Variants in MOV10L1 observed in about 807,000 individuals in gnomAD.
MOV10L1 encodes Mov10 like RNA helicase 1.
In MOV10L1, 110 loss-of-function variants were observed where a neutral mutation model predicts 143.8. The observed-to-expected ratio is 0.76, with a 90% confidence interval of 0.66 to 0.90. The LOEUF is 0.90. MOV10L1 is among the 40% of genes least tolerant of loss of function. The probability of loss-of-function intolerance (pLI) is 0.00; values close to 1 mark genes in which losing one functional copy is unlikely to be tolerated. For synonymous variants in MOV10L1, 593 were observed against 581.1 expected (o/e 1.02, Z -0.29); for missense variants, 1,406 against 1,526.8 (o/e 0.92, Z 1.32).
intron 18 of MOV10L1, among the ~76,000 whole-genome samples, chr22:50,144,680 C>G (rs1180234402): frequency 4.6e-5 from 7 of 151,726 alleles, no homozygotes; most frequent in Admixed American, 4.6e-4. Flanking sequence ...CTCCCAGGTT[C>G]ACACCATTCT....
rs576147193 is a variant in MOV10L1 at position 50,113,919 on chromosome 22, T to C, written c.884+131T>C. The C allele has an allele frequency of 3.8e-3, 3,312 of 861,652 alleles. 8 individuals are homozygous for C. Among genetic ancestry groups the C allele is most frequent in the Non-Finnish European group, 4.6e-3 (2,937 of 638,968 alleles). The allele number at this position is 861,652 out of a possible 1,614,324, so 53.4% of individuals were successfully genotyped here. ...TCTTTATGAAGATCTTTTCTTTTTT[T>C]TTTTTTTTTTTTTTTTTGAGACAGC... On this transcript the variant is annotated intron_variant, in intron 6 of 26. Coordinates refer to ENST00000262794, the MANE Select transcript of MOV10L1 (RefSeq NM_018995.3).
intron 16 of MOV10L1, 140 bp downstream of exon 16, chr22:50,142,329 C>A: frequency 1.8e-6 from 1 of 568,902 alleles, no homozygotes; most frequent in South Asian, 2.5e-5. Flanking sequence ...GCCGTCTCCA[C>A]CCTGACTGGA....
rs376061248 is a variant in MOV10L1 at position 50,161,320 on chromosome 22, G to A, written c.3555-48G>A. On this transcript the variant is annotated intron_variant, in intron 26 of 26. Coordinates refer to ENST00000262794, the MANE Select transcript of MOV10L1 (RefSeq NM_018995.3). Reference sequence around the variant, plus strand: ...GGGAAAAGAGTGCAGCTCCCAGCCCGCTGTGGGAGCCTGGCTCACTGGCCA... The same window carrying A: ...GGGAAAAGAGTGCAGCTCCCAGCCCACTGTGGGAGCCTGGCTCACTGGCCA... 2.2e-4 allele frequency: 320 copies of A among 1,453,498 alleles called. 1 individual carries two copies. In the African/African-American group the frequency reaches 3.7e-3, roughly 17 times the overall value. The allele number at this position is 1,453,498 out of a possible 1,614,324, so 90.0% of individuals were successfully genotyped here. A position where few individuals can be genotyped will look rare whatever the true frequency, so the allele number is the denominator to read the frequency against.
At chr22:50,140,608 C>T (rs1015351522) in intron 15 of MOV10L1, among the ~76,000 whole-genome samples, 5 of 152,050 alleles carry the variant, frequency 3.3e-5, no homozygotes, top group African/African-American at 1.2e-4. Context: ...AAAAAGTTTA[C>T]GAGTTTGTGT....
chr22:50,119,826 A>G (rs1268571796), intron 9 of MOV10L1, among the ~76,000 whole-genome samples: 1 of 151,630 alleles, frequency 6.6e-6, no homozygotes, highest in Non-Finnish European at 1.5e-5. Context: ...CTGCACTGAA[A>G]TGGAGAGCTG....
At chr22:50,145,888 G>T (rs2063139645) in intron 19 of MOV10L1, 78 bp downstream of exon 19, 1 of 1,585,646 alleles carries the variant, frequency 6.3e-7, no homozygotes, top group African/African-American at 1.3e-5. Flanking sequence ...CTGTCTGAGG[G>T]GCGGATGACC....
intron 3 of MOV10L1, among the ~76,000 whole-genome samples, chr22:50,105,539 C>T (rs1018567961): frequency 1.3e-5 from 2 of 152,158 alleles, no homozygotes; most frequent in African/African-American, 2.4e-5. Context: ...TTCCATGTTC[C>T]TGCTCATCAG....
chr22:50,134,014 A>G lies in MOV10L1; in HGVS notation c.1918A>G (p.Ser640Gly), dbSNP rs1183659641. 1.2e-6 allele frequency: 2 copies of G among 1,611,780 alleles called. No homozygotes were observed. The highest frequency in any genetic ancestry group is 1.7e-6 in the Non-Finnish European group (2 of 1,179,538). The change falls in exon 14 of 27, where the codon AGC (serine) becomes GGC (glycine). Residue 640 changes from serine to glycine, a missense_variant. Physicochemically the swap from Ser to Gly is moderately conservative, Grantham distance 56 (BLOSUM62 0). Coordinates refer to ENST00000262794, the MANE Select transcript of MOV10L1 (RefSeq NM_018995.3). ...DVEFTYNRTT[S>G]RRCHFALEHV... ...TGGTTTTCTTTCCTGCAGGACCACA[A>G]GCAGACGGTGTCACTTTGCACTTGA...
chr22:50,160,082 G>A (rs2063516440), intron 24 of MOV10L1, among the ~76,000 whole-genome samples: 1 of 152,122 alleles, frequency 6.6e-6, no homozygotes, highest in Non-Finnish European at 1.5e-5. Flanking sequence ...GGAGCAGAGA[G>A]TGGGAGGGCA....
intron 7 of MOV10L1, 48 bp from the exon 8 acceptor site, chr22:50,115,066 G>A: frequency 6.5e-7 from 1 of 1,534,362 alleles, no homozygotes; most frequent in Non-Finnish European, 8.8e-7. Flanking sequence ...CACTGTTAGA[G>A]ATAATTTACC....
In MOV10L1 at chr22:50,117,200, G is replaced by C. The variant is rs533621209; in HGVS notation, c.1303G>C (p.Asp435His). The change falls in exon 9 of 27, where the codon GAT (aspartate) becomes CAT (histidine). Residue 435 changes from aspartate to histidine, a missense_variant. Around this residue, in one of 3 missense-constraint regions of MOV10L1, gnomAD observed 1,233 missense variants for 1,351.4 expected, o/e 0.91. Coordinates refer to ENST00000262794, the MANE Select transcript of MOV10L1 (RefSeq NM_018995.3). ...GGAGCTCCTTTTGCTCTGTTTTTCCGATTTCCTAATTGGGCGATACCTTGA... is the reference window on the plus strand; with the variant it reads ...GGAGCTCCTTTTGCTCTGTTTTTCCCATTTCCTAATTGGGCGATACCTTGA... The part of the protein sequence containing the change: ...CKELLLLCFS[D>H]FLIGRYLEVN... The C allele has an allele frequency of 7.4e-6, 12 of 1,611,214 alleles. No individual in the cohort carries two copies. Among genetic ancestry groups the C allele is most frequent in the Admixed American group, 5.0e-5 (3 of 59,590 alleles).
chr22:50,104,913 A>G (rs190381230), intron 3 of MOV10L1, among the ~76,000 whole-genome samples: 29 of 147,336 alleles, frequency 2.0e-4, no homozygotes, highest in African/African-American at 7.2e-4. Flanking sequence ...TTTTTTAAAG[A>G]CAGAGTCTCC....
intron 21 of MOV10L1, among the ~76,000 whole-genome samples, chr22:50,151,561 G>A (rs146221279): frequency 1.3e-5 from 2 of 148,334 alleles, no homozygotes; most frequent in Non-Finnish European, 3.0e-5. Flanking sequence ...CCTCATGAGG[G>A]ACTACCCGCA....
chr22:50,114,704 C>T, intron 7 of MOV10L1, 82 bp downstream of exon 7: 4 of 1,557,828 alleles, frequency 2.6e-6, no homozygotes, highest in Non-Finnish European at 3.5e-6. Flanking sequence ...AGAGGGCGGG[C>T]AGCAGGGGCC....
At chr22:50,096,549 AG>A (rs1401628536) in intron 2 of MOV10L1, 1 of 152,266 alleles carries the variant, frequency 6.6e-6, no homozygotes, top group Non-Finnish European at 1.5e-5. Context: ...GTGAGGAACC[AG>A]ATGTTTTCCA....
At chr22:50,119,935 C>T (rs2062291459) in intron 9 of MOV10L1, among the ~76,000 whole-genome samples, 1 of 152,118 alleles carries the variant, frequency 6.6e-6, no homozygotes. Context: ...TCTCTCCTGG[C>T]TTCTCCTCTC....
intron 12 of MOV10L1, among the ~76,000 whole-genome samples, chr22:50,127,262 C>T (rs1037212176): frequency 2.0e-5 from 3 of 152,220 alleles, no homozygotes; most frequent in African/African-American, 7.2e-5. Context: ...ACCTGCCTGC[C>T]TCCACCCCTG....
At chr22:50,090,218 C>T in intron 1 of MOV10L1, 33 bp downstream of exon 1, 2 of 1,413,096 alleles carry the variant, frequency 1.4e-6, no homozygotes, top group Non-Finnish European at 1.8e-6. Flanking sequence ...GAGGCGGGTC[C>T]CGGGCCCTCG....
chr22:50,156,693 T>C (rs1305152467), intron 22 of MOV10L1, among the ~76,000 whole-genome samples: 1 of 152,218 alleles, frequency 6.6e-6, no homozygotes, highest in Non-Finnish European at 1.5e-5. Flanking sequence ...TTGTGGTGTG[T>C]GTCAGAATTT....
Sources: gnomAD v4.1 joint callset for allele counts (sites outside exome capture counted in the v4.1 genomes callset) on GRCh38, gnomAD v4.1.1 for gene constraint, gnomAD v4.1.1 regional missense constraint, MANE v1.5 for transcripts, NCBI Gene and HGNC (gene_info 2026-07-23, HGNC 2026-07-21) for gene names.